SIRPA: variants seen among roughly 807,000 people sequenced by gnomAD.
SIRPA encodes signal regulatory protein alpha, also known as tyrosine-protein phosphatase non-receptor type substrate 1.
A neutral mutation model predicts 50.3 loss-of-function variants in SIRPA; 9 were observed. The observed-to-expected ratio is 0.18, with a 90% CI of 0.11 to 0.31. The LOEUF is 0.31. SIRPA is among the 10% of genes least tolerant of loss of function. The pLI is 1.00. For missense variants in SIRPA, 474 were observed against 661.6 expected (o/e 0.72, Z 3.11); for synonymous variants, 265 against 284.1 (o/e 0.93, Z 0.68).
chr20:1,931,886 TCAGA>T (rs956949876), intron 6 of SIRPA, among the ~76,000 whole-genome samples: 7 of 152,224 alleles, frequency 4.6e-5, no homozygotes, highest in African/African-American at 1.7e-4. Flanking sequence ...TATTCACTTG[TCAGA>T]CATTCACTGC....
chr20:1,914,544 G>C (rs960839094), intron 1 of SIRPA, among the ~76,000 whole-genome samples: 1 of 145,954 alleles, frequency 6.9e-6, no homozygotes, highest in East Asian at 2.1e-4. Context: ...AAACACACTG[G>C]CACGAGTCTA....
In SIRPA at chr20:1,933,011, A is replaced by T. The variant is rs1477122298; in HGVS notation, c.1227-1704A>T. On this transcript the variant is annotated intron_variant, in intron 6 of 7. Coordinates refer to ENST00000358771, the MANE Select transcript of SIRPA (RefSeq NM_001040023.2). The surrounding 1 kb of genome is among the most constrained non-coding windows in gnomAD (Gnocchi z 4.4). ...AGAATGGAGTTTGGGGGTTCAGTGAATATTTCCCCAAGAAAAGGCTGTTTA... is the reference window on the plus strand; with the variant it reads ...AGAATGGAGTTTGGGGGTTCAGTGATTATTTCCCCAAGAAAAGGCTGTTTA... Among the ~76,000 whole-genome samples, 2 of 152,234 alleles carry T rather than the reference A, an allele frequency of 1.3e-5. No individual in the cohort carries two copies. The highest frequency in any genetic ancestry group is 4.8e-5 in the African/African-American group (2 of 41,456).
At chr20:1,908,688 A>G (rs1220163588) in intron 1 of SIRPA, among the ~76,000 whole-genome samples, 5 of 152,092 alleles carry the variant, frequency 3.3e-5, no homozygotes, top group African/African-American at 9.7e-5. Context: ...ACTCTTATGC[A>G]CCCTCAGCAC....
chr20:1,931,956 T>C (rs535470348), intron 6 of SIRPA, among the ~76,000 whole-genome samples: 5 of 152,210 alleles, frequency 3.3e-5, no homozygotes, highest in African/African-American at 7.2e-5. Context: ...TCGTCGGGAC[T>C]GAGCCTAACT....
At chr20:1,915,591 AT>A in intron 2 of SIRPA, 136 bp downstream of exon 2, 1 of 1,134,864 alleles carries the variant, frequency 8.8e-7, no homozygotes, top group Non-Finnish European at 1.3e-6. Context: ...CCTTTTACAA[AT>A]AAGGGAAGTT....
At chr20:1,911,601 C>G (rs1240555750) in intron 1 of SIRPA, among the ~76,000 whole-genome samples, 2 of 152,116 alleles carry the variant, frequency 1.3e-5, no homozygotes, top group Admixed American at 6.5e-5. Context: ...TCTTTAAGAT[C>G]GTTATACAGG....
intron 1 of SIRPA, among the ~76,000 whole-genome samples, chr20:1,911,370 T>C (rs1450340305): frequency 3.3e-5 from 5 of 152,222 alleles, no homozygotes; most frequent in Non-Finnish European, 7.3e-5. Flanking sequence ...TGATGTGAGA[T>C]TATTACTTTG....
At chr20:1,910,221 C>G (rs1012561907) in intron 1 of SIRPA, among the ~76,000 whole-genome samples, 13 of 152,188 alleles carry the variant, frequency 8.5e-5, no homozygotes, top group African/African-American at 3.1e-4. Flanking sequence ...GGGAAGGATC[C>G]AGAATGCAGC....
chr20:1,921,289 G>T, intron 2 of SIRPA, 106 bp from the exon 3 acceptor site: 1 of 1,579,348 alleles, frequency 6.3e-7, no homozygotes. Flanking sequence ...CACATTATTG[G>T]AAGGATAAAA....
chr20:1,895,512 C>T lies in SIRPA; in HGVS notation c.65C>T (p.Ser22Phe). ...CTGCTCTGCCTGCTGCTCGCCGCGT[C>T]CTGCGCCTGGTCAGGTAAGCACCCC... ...GPLLCLLLAA[S>F]CAWSGVAGEE... is the part of the protein sequence containing the mutation. Residue 22 changes from serine (S) to phenylalanine (F), a missense_variant, in exon 1 of 8, where the codon TCC becomes TTC. Ser to Phe is a radical substitution (Grantham distance 155). Coordinates refer to ENST00000358771, the MANE Select transcript of SIRPA (RefSeq NM_001040023.2). The T allele has an allele frequency of 2.7e-6, 4 of 1,460,932 alleles. No homozygotes were observed. Among genetic ancestry groups the T allele is most frequent in the South Asian group, 2.7e-5 (2 of 73,862 alleles). 90.5% of individuals were successfully genotyped at this position (1,460,932 alleles called of 1,614,324 possible).
chr20:1,899,458 C>T (rs982095119), intron 1 of SIRPA, among the ~76,000 whole-genome samples: 19 of 152,176 alleles, frequency 1.2e-4, no homozygotes, highest in African/African-American at 3.9e-4. Flanking sequence ...AACTTATGAA[C>T]GAGAGGCATT....
chr20:1,897,502 C>G (rs1460496190), intron 1 of SIRPA, among the ~76,000 whole-genome samples: 3 of 152,190 alleles, frequency 2.0e-5, no homozygotes, highest in East Asian at 1.9e-4. Flanking sequence ...GGCCCCTCCC[C>G]CTATTGCTCC....
intron 6 of SIRPA, among the ~76,000 whole-genome samples, chr20:1,929,043 A>G (rs1986153081): frequency 6.6e-6 from 1 of 152,206 alleles, no homozygotes. Flanking sequence ...AGGTTTTGCC[A>G]GCAACTGCAT....
Position 1,937,943 on chromosome 20 carries a change from G to A in SIRPA, c.*375G>A. On this transcript the variant is annotated 3_prime_UTR_variant, in exon 8 of 8. Coordinates refer to ENST00000358771, the MANE Select transcript of SIRPA (RefSeq NM_001040023.2). The surrounding 1 kb of genome is among the most constrained non-coding windows in gnomAD (Gnocchi z 8.3). ...TCCGAAGCCTGATCTTCCAGGGTGG[G>A]GAGGAGAAAATCCCACCTCCCCTGA... 1 of 219,414 alleles carries A rather than the reference G, an allele frequency of 4.6e-6. No individual in the cohort carries two copies. Among genetic ancestry groups the A allele is most frequent in the Middle Eastern group, 1.8e-3 (1 of 558 alleles). The allele number at this position is 219,414 out of a possible 1,614,324, so 13.6% of individuals were successfully genotyped here. A position where few individuals can be genotyped will look rare whatever the true frequency, so the allele number is the denominator to read the frequency against.
intron 1 of SIRPA, among the ~76,000 whole-genome samples, chr20:1,914,658 C>T (rs533933102): frequency 1.3e-5 from 2 of 152,130 alleles, no homozygotes; most frequent in Non-Finnish European, 2.9e-5. Context: ...CCGCTGAGTA[C>T]AGCCTCCCTT....
At chr20:1,895,691 A>G (rs1484874977) in intron 1 of SIRPA, among the ~76,000 whole-genome samples, 165 bp downstream of exon 1, 4 of 152,234 alleles carry the variant, frequency 2.6e-5, no homozygotes, top group Non-Finnish European at 5.9e-5. Context: ...AGGGCCAGCG[A>G]CATGCCCAAG....
chr20:1,908,640 GCATA>G (rs1984693758), intron 1 of SIRPA, among the ~76,000 whole-genome samples: 1 of 152,076 alleles, frequency 6.6e-6, no homozygotes, highest in South Asian at 2.1e-4. Context: ...CTCTGTACAC[GCATA>G]CATGTATGTA....
At position 1,926,524 on chromosome 20, in the gene SIRPA, G is replaced by T. The variant is rs557283500; in HGVS notation, c.1202-1351G>T. On this transcript the variant is annotated intron_variant, in intron 5 of 7. Coordinates refer to ENST00000358771, the MANE Select transcript of SIRPA (RefSeq NM_001040023.2). ...TAAAGGCCACCCAGCCCGAGTGGCA[G>T]GTCTGTGTGCAGAGCCTAGCTCTCA... 3.3e-5 allele frequency among the ~76,000 whole-genome samples: 5 copies of T among 152,364 alleles called. No homozygotes were observed. The South Asian group carries it at 1.0e-3, about 32-fold the overall frequency.
chr20:1,920,393 C>A (rs370940905), intron 2 of SIRPA, among the ~76,000 whole-genome samples: 6 of 152,220 alleles, frequency 3.9e-5, no homozygotes, highest in African/African-American at 1.4e-4. Flanking sequence ...CTGGTGACTG[C>A]GATAGGAGGT....
Sources: gnomAD v4.1 joint callset for allele counts (sites outside exome capture counted in the v4.1 genomes callset) on GRCh38, gnomAD v4.1.1 for gene constraint, Gnocchi (gnomAD v3.1) non-coding constraint, MANE v1.5 for transcripts, NCBI Gene and HGNC (gene_info 2026-07-23, HGNC 2026-07-21) for gene names.